Variants in DYM observed in about 807,000 individuals in gnomAD.
The protein encoded by DYM is dyggve-Melchior-Clausen syndrome protein.
In DYM, 78 loss-of-function variants were observed where a neutral mutation model predicts 93.1. The ratio of observed to expected loss-of-function variants is 0.84; its 90% confidence interval spans 0.70 to 1.01. The LOEUF (loss-of-function observed/expected upper bound fraction) is 1.01, where lower values mean the gene tolerates loss of function less well. DYM is among the 50% of genes least tolerant of loss of function. The pLI, the probability that DYM is intolerant of heterozygous loss-of-function variation, is 0.00. For synonymous variants in DYM, 321 were observed against 319.7 expected, an observed-to-expected ratio of 1.00 and a Z score of -0.04; for missense variants, 789 against 845.0, an observed-to-expected ratio of 0.93 and a Z score of 0.82.
chr18:49,173,880 A>G (rs552319262), intron 14 of DYM, among the ~76,000 whole-genome samples: 2 of 152,148 alleles, frequency 1.3e-5, no homozygotes, highest in South Asian at 4.1e-4. Context: ...GCTAGGACCT[A>G]TAGTACAATA....
At chr18:49,293,621 C>A (rs1042238739) in intron 8 of DYM, among the ~76,000 whole-genome samples, 8 of 152,178 alleles carry the variant, frequency 5.3e-5, no homozygotes, top group African/African-American at 1.9e-4. Context: ...TAAATATCTT[C>A]TTTTGAGAAG....
At chr18:49,317,084 G>T (rs1174711850) in intron 8 of DYM, among the ~76,000 whole-genome samples, 1 of 152,122 alleles carries the variant, frequency 6.6e-6, no homozygotes, top group African/African-American at 2.4e-5. Context: ...ATCAATATTG[G>T]CTTGTCAACT....
intron 16 of DYM, chr18:49,116,114 T>C (rs1568446625): frequency 1.3e-5 from 2 of 152,232 alleles, no homozygotes; most frequent in Non-Finnish European, 2.9e-5. Context: ...GTTATAAGAA[T>C]TCTCTCATTC....
intron 8 of DYM, among the ~76,000 whole-genome samples, chr18:49,308,295 T>C (rs1356125940): frequency 1.3e-5 from 2 of 150,624 alleles, no homozygotes; most frequent in African/African-American, 2.4e-5. Context: ...TGTGTGTATA[T>C]ATATATATAT....
rs749032927 is a variant in DYM, at chr18:49,317,623, C to CT, written c.763+14240_763+14241insA. Among the ~76,000 whole-genome samples the CT allele has an allele frequency of 4.7e-3, 167 of 35,718 alleles. 6 individuals carry two copies. Among genetic ancestry groups the CT allele is most frequent in the East Asian group, 6.5e-3 (6 of 922 alleles). 23.4% of individuals were successfully genotyped at this position (35,718 alleles called of 152,430 possible). ...CCCCCTCCCCCCTCCCTCCCTCCCT[C>CT]CCTCCCTCTCCTATCCTCTCCTCTC... On this transcript the variant is annotated intron_variant, in intron 8 of 17. Transcript: ENST00000675505.
chr18:49,200,329 T>G (rs1158059936), intron 14 of DYM, among the ~76,000 whole-genome samples: 3 of 152,034 alleles, frequency 2.0e-5, no homozygotes, highest in East Asian at 1.9e-4. Flanking sequence ...ACAGCTATTT[T>G]TATACATTAT....
chr18:49,036,547 T>A lies in DYM; in HGVS notation c.*7508A>T, dbSNP rs2070708535. Among the ~76,000 whole-genome samples the A allele has an allele frequency of 6.6e-6, 1 of 152,222 alleles. No homozygotes were observed. The highest frequency in any genetic ancestry group is 2.1e-4 in the South Asian group (1 of 4,826). ...TTTATTGGTATTCATAATATTCTCTTAAATATGTATACATATTTTTGAGAC... is the reference window on the plus strand; with the variant it reads ...TTTATTGGTATTCATAATATTCTCTAAAATATGTATACATATTTTTGAGAC... On this transcript the variant is annotated 3_prime_UTR_variant, in exon 18 of 18. Coordinates refer to ENST00000675505, the MANE Select transcript of DYM (RefSeq NM_001353214.3).
chr18:49,159,049 T>C (rs1250955476), intron 15 of DYM, among the ~76,000 whole-genome samples: 1 of 152,170 alleles, frequency 6.6e-6, no homozygotes, highest in Non-Finnish European at 1.5e-5. Flanking sequence ...TAAAAAAGAA[T>C]ACTCTAATAC....
intron 1 of DYM, chr18:49,447,146 G>A (rs2082160167): frequency 6.6e-6 from 1 of 152,090 alleles, no homozygotes; most frequent in South Asian, 2.1e-4. Flanking sequence ...CCAAAGCAGA[G>A]AACAGCACGT....
rs1471895693 is a variant in DYM at position 49,042,257 on chromosome 18, G to A, written c.*1798C>T. On this transcript the variant is annotated 3_prime_UTR_variant, in exon 18 of 18. Coordinates refer to ENST00000675505, the MANE Select transcript of DYM (RefSeq NM_001353214.3). The stretch of plus-strand genomic sequence containing the variant: ...CCCCACTCCAGCAGTGACTGGAGGA[G>A]GCCTGACAGAACAAGCCCCTTGGGG... 6.5e-6 allele frequency: 1 copy of A among 152,822 alleles called. No individual in the cohort carries two copies. The highest frequency in any genetic ancestry group is 1.5e-5 in the Non-Finnish European group (1 of 68,104). The allele number at this position is 152,822 out of a possible 1,614,324, so 9.5% of individuals were successfully genotyped here. A position where few individuals can be genotyped will look rare whatever the true frequency, so the allele number is the denominator to read the frequency against.
rs2074696791 is a variant in DYM at position 49,430,361 on chromosome 18, G to A, written c.34C>T (p.Pro12Ser). The change falls in exon 2 of 18, where the codon CCT becomes TCT. Residue 12 changes from proline (P) to serine (S), a missense_variant. Physicochemically the swap from Pro to Ser is moderately conservative, Grantham distance 74. Around this residue, in one of 3 missense-constraint regions of DYM, gnomAD observed 450 missense variants for 436.2 expected, o/e 1.03. Coordinates refer to ENST00000675505, the MANE Select transcript of DYM (RefSeq NM_001353214.3). The part of the protein sequence containing the change: ...GSNSSRIGDL[P>S]KNEYLKKLSG... ...AACTTTTTCAAGTACTCATTTTTAG[G>A]AAGATCGCCGATTCTGCTGCTATTC... 6.2e-7 allele frequency: 1 copy of A among 1,613,872 alleles called. No individual in the cohort carries two copies. Among genetic ancestry groups the A allele is most frequent in the East Asian group, 2.2e-5 (1 of 44,866 alleles).
chr18:49,199,696 T>G (rs1265165232), intron 14 of DYM, among the ~76,000 whole-genome samples: 2 of 152,244 alleles, frequency 1.3e-5, no homozygotes, highest in African/African-American at 4.8e-5. Flanking sequence ...GCTTCAAGTA[T>G]TTATTCATTA....
intron 2 of DYM, among the ~76,000 whole-genome samples, chr18:49,409,671 T>C (rs145118219): frequency 2.6e-4 from 39 of 152,342 alleles, no homozygotes; most frequent in Non-Finnish European, 4.1e-4. Context: ...GCCTCTTTCA[T>C]ATGAAGCCTG....
rs142778745 is a variant in DYM at position 49,224,118 on chromosome 18, C to G, written c.1461-14403G>C. On this transcript the variant is annotated intron_variant, in intron 13 of 17. Coordinates refer to ENST00000675505, the MANE Select transcript of DYM (RefSeq NM_001353214.3). ...ATTTGAGGGGTGGTTGCTGACAAGACTTGGTAATGAATTGAATATGGCAGG... is the reference window on the plus strand; with the variant it reads ...ATTTGAGGGGTGGTTGCTGACAAGAGTTGGTAATGAATTGAATATGGCAGG... 2.8e-3 allele frequency among the ~76,000 whole-genome samples: 421 copies of G among 152,094 alleles called. 4 individuals are homozygous for G. Among genetic ancestry groups the G allele is most frequent in the African/African-American group, 9.8e-3 (408 of 41,494 alleles).
chr18:49,096,633 A>G (rs2079568432), intron 17 of DYM, among the ~76,000 whole-genome samples: 1 of 152,228 alleles, frequency 6.6e-6, no homozygotes, highest in African/African-American at 2.4e-5. Context: ...TGCATTCCCC[A>G]AAGGATCTTC....
At position 49,143,906 on chromosome 18, in the gene DYM, A is replaced by C. The variant is rs376814372; in HGVS notation, c.1728+19779T>G. 4.6e-5 allele frequency among the ~76,000 whole-genome samples: 7 copies of C among 152,186 alleles called. No individual in the cohort carries two copies. The East Asian group carries it at 7.7e-4, about 17-fold the overall frequency. ...CCAGGGTTATTCTGAAGCAAAGTCC[A>C]AACAAATCTTTCAACCATAAATATA... On this transcript the variant is annotated intron_variant, in intron 15 of 17. Transcript: ENST00000675505.
Position 49,450,909 on chromosome 18 carries a change from CTTTCAACAGGTGTCCTCAAATGCAGGTTT to C in DYM, c.-54+9460_-54+9488del, listed in dbSNP as rs566771816. Among the ~76,000 whole-genome samples the C allele has an allele frequency of 3.2e-3, 485 of 152,270 alleles. 2 individuals carry two copies. The highest frequency in any genetic ancestry group is 5.8e-3 in the Non-Finnish European group (393 of 68,020). On this transcript the variant is annotated intron_variant, in intron 1 of 17. Coordinates refer to ENST00000675505, the MANE Select transcript of DYM (RefSeq NM_001353214.3). ...GTTTATAATCAAGCTATATTAAGGA[CTTTCAACAGGTGTCCTCAAATGCAGGTTT>C]TTAACAGCTTTGAAGATTGTAACAT...
In DYM at chr18:49,337,700, T is replaced by C. The variant is rs62104620; in HGVS notation, c.495-3847A>G. Among the ~76,000 whole-genome samples the C allele has an allele frequency of 3.5e-3, 536 of 152,062 alleles. 3 individuals carry two copies. The highest frequency in any genetic ancestry group is 0.013 in the South Asian group (61 of 4,818). ...GAAGAGTCAGCGGAATAATCAAACA[T>C]AGAAAAAGAAATTACTATGAAATCC... On this transcript the variant is annotated intron_variant, in intron 6 of 17. Transcript: ENST00000675505.
intron 17 of DYM, among the ~76,000 whole-genome samples, chr18:49,065,171 A>G (rs1416533111): frequency 6.6e-6 from 1 of 152,158 alleles, no homozygotes; most frequent in African/African-American, 2.4e-5. Flanking sequence ...GCTTCTTTGC[A>G]CTGCACGTCA....
Sources: gnomAD v4.1 joint callset for allele counts (sites outside exome capture counted in the v4.1 genomes callset) on GRCh38, gnomAD v4.1.1 for gene constraint, gnomAD v4.1.1 regional missense constraint, MANE v1.5 for transcripts, NCBI Gene and HGNC (gene_info 2026-07-23, HGNC 2026-07-21) for gene names.